CACNA2D3: variants seen among roughly 807,000 people sequenced by gnomAD.
CACNA2D3 encodes the protein calcium voltage-gated channel auxiliary subunit alpha2delta 3, also known as voltage-dependent calcium channel subunit alpha-2/delta-3.
A neutral mutation model predicts 160.6 loss-of-function variants in CACNA2D3; 60 were observed. The observed-to-expected ratio is 0.37, with a 90% confidence interval of 0.30 to 0.46. The LOEUF (loss-of-function observed/expected upper bound fraction) is 0.46, where lower values mean the gene tolerates loss of function less well. Among genes scored for constraint, CACNA2D3 ranks in the 20% least tolerant of loss-of-function variants. The pLI is 1.00. For missense variants in CACNA2D3, 1,205 were observed against 1,365.0 expected, an observed-to-expected ratio of 0.88 and a Z score of 1.85; for synonymous variants, 558 against 492.9, an observed-to-expected ratio of 1.13 and a Z score of -1.75.
Position 54,416,630 on chromosome 3 carries a change from T to G in CACNA2D3, c.381+29856T>G, listed in dbSNP as rs533134282. Among the ~76,000 whole-genome samples, 263 of 152,352 alleles carry G rather than the reference T, an allele frequency of 1.7e-3. 1 individual carries two copies. Among genetic ancestry groups the G allele is most frequent in the African/African-American group, 6.1e-3 (252 of 41,592 alleles). On this transcript the variant is annotated intron_variant, in intron 4 of 37. Transcript: ENST00000474759. ...AGCTTAATCATAGGAGATTCAATTA[T>G]TGCCGTAAAATTCAAACACATTTTC...
At chr3:54,172,680 A>T (rs1471470498) in intron 2 of CACNA2D3, among the ~76,000 whole-genome samples, 6 of 152,206 alleles carry the variant, frequency 3.9e-5, no homozygotes, top group Non-Finnish European at 5.9e-5. Context: ...AAAACTGCCC[A>T]TTTCATATGA....
intron 2 of CACNA2D3, among the ~76,000 whole-genome samples, chr3:54,296,137 C>T (rs987857169): frequency 6.6e-6 from 1 of 152,150 alleles, no homozygotes; most frequent in African/African-American, 2.4e-5. Context: ...CTGGACATGG[C>T]AAGGCCGGGA....
At chr3:54,428,033 A>G (rs1011766061) in intron 4 of CACNA2D3, among the ~76,000 whole-genome samples, 1 of 152,252 alleles carries the variant, frequency 6.6e-6, no homozygotes, top group African/African-American at 2.4e-5. Flanking sequence ...CATGTCAGGC[A>G]GAAAAAATGT....
intron 9 of CACNA2D3, among the ~76,000 whole-genome samples, chr3:54,584,863 T>C (rs919349276): frequency 3.9e-5 from 6 of 152,176 alleles, no homozygotes; most frequent in African/African-American, 1.4e-4. Flanking sequence ...GTAAGTAGCA[T>C]AGCATTTTTC....
intron 8 of CACNA2D3, among the ~76,000 whole-genome samples, chr3:54,571,901 G>T (rs1265925102): frequency 1.3e-5 from 2 of 152,122 alleles, no homozygotes; most frequent in African/African-American, 4.8e-5. Context: ...GTTGCTGCTG[G>T]GATCATCTGA....
intron 11 of CACNA2D3, among the ~76,000 whole-genome samples, chr3:54,660,309 C>T (rs1204209858): frequency 6.6e-6 from 1 of 152,044 alleles, no homozygotes; most frequent in Non-Finnish European, 1.5e-5. Context: ...TACAGGCGCC[C>T]ACCACCATGC....
rs551424888 is a variant in CACNA2D3 at position 54,684,905 on chromosome 3, A to G, written c.1167+42664A>G. 8.5e-5 allele frequency among the ~76,000 whole-genome samples: 13 copies of G among 152,198 alleles called. No homozygotes were observed. In the East Asian group the frequency reaches 1.7e-3, roughly 20 times the overall value. ...GTCTACAAAGTCGCCTCCCTCTTCA[A>G]TCTCGTTTACATAATGCATGCATCC... On this transcript the variant is annotated intron_variant, in intron 11 of 37. Coordinates refer to ENST00000474759, the MANE Select transcript of CACNA2D3 (RefSeq NM_018398.3).
intron 4 of CACNA2D3, among the ~76,000 whole-genome samples, chr3:54,388,626 T>TGAGAAGAACCTTGGATATAGC (rs1699229387): frequency 6.6e-6 from 1 of 152,154 alleles, no homozygotes; most frequent in Non-Finnish European, 1.5e-5. Context: ...CAGAAGATAG[T>TGAGAAGAACCTTGGATATAGC]GAGAAGAACC....
At chr3:54,838,399 G>T (rs1299802841) in intron 15 of CACNA2D3, among the ~76,000 whole-genome samples, 169 bp from the exon 16 acceptor site, 2 of 152,156 alleles carry the variant, frequency 1.3e-5, no homozygotes, top group Non-Finnish European at 2.9e-5. Context: ...TAACATTTTG[G>T]GTGGAGGGTG....
intron 2 of CACNA2D3, among the ~76,000 whole-genome samples, chr3:54,221,156 T>C (rs1208644859): frequency 6.6e-6 from 1 of 152,212 alleles, no homozygotes; most frequent in African/African-American, 2.4e-5. Context: ...CTGTAGATAT[T>C]AGCACCCACC....
intron 3 of CACNA2D3, among the ~76,000 whole-genome samples, chr3:54,354,919 C>T (rs1268086471): frequency 6.6e-6 from 1 of 152,186 alleles, no homozygotes; most frequent in Non-Finnish European, 1.5e-5. Context: ...AAAATGACTG[C>T]GTTGGATGTA....
intron 27 of CACNA2D3, among the ~76,000 whole-genome samples, chr3:54,932,380 G>T (rs1393090957): frequency 1.3e-5 from 2 of 152,142 alleles, no homozygotes; most frequent in Non-Finnish European, 2.9e-5. Context: ...AATGGAATAA[G>T]TGGGAAAGGT....
chr3:54,483,051 AGAAT>A (rs973079169), intron 4 of CACNA2D3, among the ~76,000 whole-genome samples: 6 of 152,298 alleles, frequency 3.9e-5, no homozygotes, highest in African/African-American at 1.2e-4. Flanking sequence ...GCTAATTGAG[AGAAT>A]GAATGAATGA....
At chr3:54,524,471 T>G (rs968627972) in intron 5 of CACNA2D3, among the ~76,000 whole-genome samples, 1 of 152,070 alleles carries the variant, frequency 6.6e-6, no homozygotes, top group Non-Finnish European at 1.5e-5. Flanking sequence ...GAATGTGTAA[T>G]GTATTGTTGG....
At chr3:55,001,888 G>A (rs1472765917) in intron 31 of CACNA2D3, among the ~76,000 whole-genome samples, 1 of 152,230 alleles carries the variant, frequency 6.6e-6, no homozygotes, top group East Asian at 1.9e-4. Flanking sequence ...GCCGAGCGCG[G>A]TGGCTCACGC....
At chr3:54,151,911 A>G (rs1335949754) in intron 2 of CACNA2D3, among the ~76,000 whole-genome samples, 1 of 152,116 alleles carries the variant, frequency 6.6e-6, no homozygotes, top group Non-Finnish European at 1.5e-5. Context: ...TGTTGCCCAT[A>G]CTGTTCCCTG....
intron 5 of CACNA2D3, among the ~76,000 whole-genome samples, chr3:54,560,750 G>A (rs546768917): frequency 1.3e-5 from 2 of 152,112 alleles, no homozygotes; most frequent in Non-Finnish European, 2.9e-5. Flanking sequence ...CTTAATTTTT[G>A]TATACAGTAT....
intron 14 of CACNA2D3, among the ~76,000 whole-genome samples, chr3:54,832,459 A>G (rs1175887321): frequency 4.6e-5 from 7 of 152,236 alleles, no homozygotes; most frequent in Non-Finnish European, 7.3e-5. Flanking sequence ...GGGGCCAGGC[A>G]GTTTACAAGA....
chr3:55,054,611 A>C (rs1704316762), intron 35 of CACNA2D3, among the ~76,000 whole-genome samples: 1 of 149,988 alleles, frequency 6.7e-6, no homozygotes, highest in Non-Finnish European at 1.5e-5. Context: ...CTATATTATA[A>C]AGTATAATAT....
Sources: allele counts gnomAD v4.1 joint callset (sites outside exome capture counted in the v4.1 genomes callset), GRCh38; gene constraint gnomAD v4.1.1; transcripts MANE v1.5; gene names NCBI Gene and HGNC (gene_info 2026-07-23, HGNC 2026-07-21).